SGCD: variants seen among roughly 807,000 people sequenced by gnomAD.
The protein encoded by SGCD is delta-sarcoglycan.
SGCD carries 18 observed loss-of-function variants against 36.6 expected under a neutral mutation model. The ratio of observed to expected loss-of-function variants is 0.49; its 90% confidence interval spans 0.34 to 0.73. The LOEUF (loss-of-function observed/expected upper bound fraction) is 0.73, where lower values mean the gene tolerates loss of function less well. Among genes scored for constraint, SGCD ranks in the 30% least tolerant of loss-of-function variants. The pLI is 0.01. For synonymous variants in SGCD, 133 were observed against 130.6 expected (o/e 1.02, Z -0.12); for missense variants, 387 against 346.7 (o/e 1.12, Z -0.92).
intron 1 of SGCD, among the ~76,000 whole-genome samples, chr5:155,948,995 C>CA (rs1405547062): frequency 6.6e-6 from 1 of 151,822 alleles, no homozygotes; most frequent in Non-Finnish European, 1.5e-5. Context: ...TGAGTCTCTG[C>CA]AAAAAAAATT....
chr5:155,997,513 T>A (rs1016254448), intron 1 of SGCD, among the ~76,000 whole-genome samples: 4 of 152,204 alleles, frequency 2.6e-5, no homozygotes, highest in Non-Finnish European at 5.9e-5. Context: ...CATCATGAAA[T>A]ACATCGCTCA....
At chr5:156,358,675 A>G (rs1769615368) in intron 3 of SGCD, among the ~76,000 whole-genome samples, 1 of 152,244 alleles carries the variant, frequency 6.6e-6, no homozygotes, top group African/African-American at 2.4e-5. Context: ...GTAAAAGAAC[A>G]GTCAGGATAA....
chr5:155,932,948 G>A (rs1355980931), intron 1 of SGCD, among the ~76,000 whole-genome samples: 2 of 151,748 alleles, frequency 1.3e-5, no homozygotes, highest in Non-Finnish European at 2.9e-5. Flanking sequence ...ATTATAGAAT[G>A]TCAGGGCTGG....
chr5:156,408,573 G>T (rs1447131324), intron 3 of SGCD, among the ~76,000 whole-genome samples: 2 of 152,086 alleles, frequency 1.3e-5, no homozygotes, highest in Non-Finnish European at 2.9e-5. Context: ...TGGCCAGGCT[G>T]GTCTTGAGCT....
intron 7 of SGCD, 141 bp downstream of exon 7, chr5:156,647,677 A>T (rs1212609956): frequency 1.2e-5 from 8 of 644,380 alleles, no homozygotes; most frequent in Non-Finnish European, 2.2e-5. Flanking sequence ...ACCAGAAGAT[A>T]AGCTACAACC....
At chr5:155,903,507 C>T (rs1256467240) in intron 1 of SGCD, among the ~76,000 whole-genome samples, 1 of 152,130 alleles carries the variant, frequency 6.6e-6, no homozygotes. Context: ...ACCCATTATT[C>T]CAGTAGAAAC....
intron 7 of SGCD, among the ~76,000 whole-genome samples, chr5:156,735,050 TTTTC>T (rs1179207046): frequency 6.6e-6 from 1 of 152,188 alleles, no homozygotes; most frequent in African/African-American, 2.4e-5. Flanking sequence ...GTCTGGCCAC[TTTTC>T]TTAAGGCCTG....
chr5:155,906,647 G>C (rs1224168131), intron 1 of SGCD, among the ~76,000 whole-genome samples: 1 of 152,138 alleles, frequency 6.6e-6, no homozygotes, highest in Non-Finnish European at 1.5e-5. Context: ...TCCCAAGCAA[G>C]GCCCTAACTC....
At chr5:156,605,085 A>C (rs1280300172) in intron 6 of SGCD, among the ~76,000 whole-genome samples, 1 of 152,008 alleles carries the variant, frequency 6.6e-6, no homozygotes, top group Non-Finnish European at 1.5e-5. Flanking sequence ...GTTTTAGGGT[A>C]CATGTGCACA....
At chr5:156,504,381 G>GGTGT (rs1304140370) in intron 3 of SGCD, among the ~76,000 whole-genome samples, 1 of 121,860 alleles carries the variant, frequency 8.2e-6, no homozygotes, top group African/African-American at 3.4e-5. Flanking sequence ...AGTATATGTG[G>GGTGT]GTGTGTGTGT....
intron 4 of SGCD, among the ~76,000 whole-genome samples, chr5:156,568,953 A>G (rs1332655235): frequency 1.3e-5 from 2 of 152,216 alleles, no homozygotes; most frequent in African/African-American, 4.8e-5. Flanking sequence ...CACCAATATT[A>G]CAGAATTCAT....
At chr5:156,699,994 A>AAT (rs1754467938) in intron 7 of SGCD, among the ~76,000 whole-genome samples, 1 of 99,424 alleles carries the variant, frequency 1.0e-5, no homozygotes, top group Admixed American at 1.0e-4. Context: ...GATCAGAGAC[A>AAT]AAAGAAGGCA....
the SGCD span, among the ~76,000 whole-genome samples, chr5:155,754,221 G>C: frequency 1.3e-5 from 2 of 152,194 alleles, no homozygotes; most frequent in Non-Finnish European, 1.5e-5. Context: ...TATCTGTTAG[G>C]AATAGTAATC....
chr5:155,797,371 T>C, the SGCD span, among the ~76,000 whole-genome samples: 1 of 152,232 alleles, frequency 6.6e-6, no homozygotes, highest in Non-Finnish European at 1.5e-5. Flanking sequence ...CTAAGAACTT[T>C]GCTAAGGCTG....
intron 1 of SGCD, among the ~76,000 whole-genome samples, chr5:156,091,398 G>A (rs1040355244): frequency 6.6e-6 from 1 of 152,158 alleles, no homozygotes; most frequent in African/African-American, 2.4e-5. Context: ...CTTTCCTTGG[G>A]ACAGCTCTAG....
At chr5:156,274,478 T>G (rs2127671035) in intron 3 of SGCD, among the ~76,000 whole-genome samples, 1 of 152,168 alleles carries the variant, frequency 6.6e-6, no homozygotes, top group African/African-American at 2.4e-5. Flanking sequence ...TTTAAAAAAT[T>G]TTAGGGCTTT....
In SGCD at chr5:156,273,485, A is replaced by G. The variant is rs117497517; in HGVS notation, c.-43-56049A>G. 7.9e-5 allele frequency among the ~76,000 whole-genome samples: 12 copies of G among 152,300 alleles called. No homozygotes were observed. In the East Asian group the frequency reaches 2.1e-3, roughly 27 times the overall value. ...CTGTGACTTCTCTCCCTTTGGATCA[A>G]TAGAGCAGTCTTACTGGCATAACTT... is the stretch of plus-strand genomic sequence containing the variant. On this transcript the variant is annotated intron_variant, in intron 3 of 9. Transcript: ENST00000517913.
rs1002673004 is a variant in SGCD, at chr5:156,085,885, T to G, written c.-281-31993T>G. Among the ~76,000 whole-genome samples, 6 of 152,224 alleles carry G rather than the reference T, an allele frequency of 3.9e-5. 1 individual carries two copies. The highest frequency in any genetic ancestry group is 1.4e-4 in the African/African-American group (6 of 41,452). On this transcript the variant is annotated intron_variant, in intron 1 of 9. Coordinates refer to the SGCD transcript ENST00000517913. ...CACTCTAAATATACTAATACACTAA[T>G]AGCCATTGGGCCCTGCACTTTAAGA...
At chr5:156,543,342 T>C (rs1329258781) in intron 4 of SGCD, among the ~76,000 whole-genome samples, 1 of 152,180 alleles carries the variant, frequency 6.6e-6, no homozygotes, top group Non-Finnish European at 1.5e-5. Context: ...AAGGAATCTG[T>C]TTGTTCATCT....
Sources: gnomAD v4.1 joint callset for allele counts (sites outside exome capture counted in the v4.1 genomes callset) on GRCh38, gnomAD v4.1.1 for gene constraint, MANE v1.5 for transcripts, NCBI Gene and HGNC (gene_info 2026-07-23, HGNC 2026-07-21) for gene names.